Variants in SDK1 observed in about 807,000 individuals in gnomAD.
SDK1 encodes sidekick cell adhesion molecule 1.
A neutral mutation model predicts 245.5 loss-of-function variants in SDK1; 157 were observed. The ratio of observed to expected loss-of-function variants is 0.64; its 90% CI spans 0.56 to 0.73. The LOEUF is 0.73. Ranked by LOEUF, SDK1 falls within the 30% of genes least tolerant of loss-of-function variation. The pLI, the probability that SDK1 is intolerant of heterozygous loss-of-function variation, is 0.00. For missense variants in SDK1, 3,583 were observed against 3,002.3 expected (o/e 1.19, Z -4.52); for synonymous variants, 1,647 against 1,278.5 (o/e 1.29, Z -6.15).
At chr7:3,550,929 T>C (rs539991687) in intron 1 of SDK1, among the ~76,000 whole-genome samples, 3 of 152,222 alleles carry the variant, frequency 2.0e-5, no homozygotes, top group South Asian at 2.1e-4. Context: ...GTTCAGACTT[T>C]CTTCTTATCA....
At chr7:3,752,493 G>A (rs1403059916) in intron 4 of SDK1, among the ~76,000 whole-genome samples, 2 of 152,120 alleles carry the variant, frequency 1.3e-5, no homozygotes, top group Non-Finnish European at 2.9e-5. Context: ...ACTGAGCTTT[G>A]GGAAAAACTT....
intron 19 of SDK1, among the ~76,000 whole-genome samples, chr7:4,066,524 A>G (rs946608960): frequency 2.0e-5 from 3 of 152,170 alleles, no homozygotes; most frequent in Admixed American, 6.5e-5. Flanking sequence ...AGCTATGGCT[A>G]TAGAGAGACC....
intron 1 of SDK1, among the ~76,000 whole-genome samples, chr7:3,372,514 A>C (rs911222532): frequency 1.3e-5 from 2 of 152,168 alleles, no homozygotes; most frequent in African/African-American, 4.8e-5. Flanking sequence ...CTGTGTAACT[A>C]GGAGGGAGCC....
At chr7:3,455,615 C>T (rs1383021644) in intron 1 of SDK1, among the ~76,000 whole-genome samples, 1 of 152,120 alleles carries the variant, frequency 6.6e-6, no homozygotes, top group Non-Finnish European at 1.5e-5. Context: ...TTTCTGGCTT[C>T]TCTACTCTGT....
At chr7:4,247,826 T>C (rs904098542) in intron 44 of SDK1, among the ~76,000 whole-genome samples, 1 of 152,130 alleles carries the variant, frequency 6.6e-6, no homozygotes, top group Non-Finnish European at 1.5e-5. Context: ...CAGGCGGCTG[T>C]TGAAGCTGAC....
intron 4 of SDK1, among the ~76,000 whole-genome samples, chr7:3,667,632 C>T (rs1336985303): frequency 6.6e-6 from 1 of 152,218 alleles, no homozygotes; most frequent in Non-Finnish European, 1.5e-5. Context: ...CCCTGGCAGT[C>T]ACAGATCTGT....
At chr7:4,226,950 T>TC (rs11389890) in intron 40 of SDK1, among the ~76,000 whole-genome samples, 3 of 147,700 alleles carry the variant, frequency 2.0e-5, no homozygotes, top group Admixed American at 6.7e-5. Flanking sequence ...TTTTTTTTTT[T>TC]CTTAAATAAT....
chr7:4,224,295 C>G (rs967616463), intron 40 of SDK1, among the ~76,000 whole-genome samples: 3 of 152,192 alleles, frequency 2.0e-5, no homozygotes, highest in African/African-American at 7.2e-5. Context: ...TGGGGAGGCC[C>G]CAGGAAATCA....
intron 1 of SDK1, among the ~76,000 whole-genome samples, chr7:3,618,558 TGTA>T (rs1562606326): frequency 6.6e-6 from 1 of 152,230 alleles, no homozygotes; most frequent in African/African-American, 2.4e-5. Flanking sequence ...TTTCCTGTGT[TGTA>T]TCCCATTGAA....
In SDK1 at chr7:3,524,125, A is replaced by G. The variant is rs188056521; in HGVS notation, c.299-94955A>G. Among the ~76,000 whole-genome samples the G allele has an allele frequency of 9.2e-5, 14 of 152,350 alleles. No individual in the cohort carries two copies. The East Asian group carries it at 2.7e-3, about 29-fold the overall frequency. On this transcript the variant is annotated intron_variant, in intron 1 of 44. Transcript: ENST00000404826. ...AGACCTGCAGGAAGGAAGGGAGTTA[A>G]CTAAGTGGATATGTGGGGCAAGAAC...
chr7:3,307,916 C>T (rs573673593), intron 1 of SDK1, among the ~76,000 whole-genome samples: 1 of 152,156 alleles, frequency 6.6e-6, no homozygotes, highest in Non-Finnish European at 1.5e-5. Context: ...TCACTAGAGT[C>T]TGCATGTGTC....
chr7:3,570,827 G>C lies in SDK1; in HGVS notation c.299-48253G>C, dbSNP rs1008065555. On this transcript the variant is annotated intron_variant, in intron 1 of 44. Coordinates refer to ENST00000404826, the MANE Select transcript of SDK1 (RefSeq NM_152744.4). ...AGCACAAATTAATGTTCTTTGTTTT[G>C]TTCAGTGACTTTTGTCAATATATAA... Among the ~76,000 whole-genome samples the C allele has an allele frequency of 3.3e-5, 5 of 149,754 alleles. No individual in the cohort carries two copies. In the South Asian group the frequency reaches 1.0e-3, roughly 31 times the overall value.
intron 20 of SDK1, among the ~76,000 whole-genome samples, chr7:4,074,831 C>G (rs1320392629): frequency 7.3e-6 from 1 of 136,262 alleles, no homozygotes; most frequent in Non-Finnish European, 1.6e-5. Context: ...CCACTGCACT[C>G]CAGCCTGGGC....
chr7:3,876,168 C>T (rs1455719071), intron 5 of SDK1, among the ~76,000 whole-genome samples: 1 of 152,178 alleles, frequency 6.6e-6, no homozygotes, highest in Non-Finnish European at 1.5e-5. Context: ...TCCCAGTGTC[C>T]TCCTGAAGTC....
chr7:3,807,533 G>A (rs1294362159), intron 4 of SDK1, among the ~76,000 whole-genome samples: 5 of 152,164 alleles, frequency 3.3e-5, no homozygotes, highest in Non-Finnish European at 4.4e-5. Flanking sequence ...GTATCTGATT[G>A]GAGACCTATA....
rs762045514 is a variant in SDK1 at position 4,011,081 on chromosome 7, G to T, written c.2247G>T (p.Val749=). 9.9e-6 allele frequency: 16 copies of T among 1,613,964 alleles called. No individual in the cohort carries two copies. Among genetic ancestry groups the T allele is most frequent in the Non-Finnish European group, 1.4e-5 (16 of 1,180,050 alleles). The stretch of plus-strand genomic sequence containing the variant: ...TCCGGGTGTGCGCGGTGAATGAAGT[G>T]GGCAGGGGCCAGTACAGCGCCGAGA... The part of the protein sequence containing the change: ...YQFRVCAVNE[V]GRGQYSAETS... Residue 749 remains valine (V), a synonymous_variant, in exon 15 of 45, where the codon GTG becomes GTT. Coordinates refer to ENST00000404826, the MANE Select transcript of SDK1 (RefSeq NM_152744.4).
chr7:3,913,573 G>T (rs975941164), intron 5 of SDK1, among the ~76,000 whole-genome samples: 1 of 152,030 alleles, frequency 6.6e-6, no homozygotes, highest in African/African-American at 2.4e-5. Context: ...CATTACAGGC[G>T]TGAGCCACCG....
At position 3,468,473 on chromosome 7, in the gene SDK1, A is replaced by T. The variant is rs113132449; in HGVS notation, c.299-150607A>T. Among the ~76,000 whole-genome samples the T allele has an allele frequency of 4.0e-3, 611 of 152,034 alleles. 2 individuals are homozygous for T. The highest frequency in any genetic ancestry group is 0.014 in the Middle Eastern group (4 of 294). On this transcript the variant is annotated intron_variant, in intron 1 of 44. Transcript: ENST00000404826. ...CCCAAGGCAGATCATAGAAACCAGA[A>T]CCCCTTTCCCCATAGCCAGCCATAA... is the stretch of plus-strand genomic sequence containing the variant.
At chr7:3,946,658 C>G (rs367589090) in intron 5 of SDK1, among the ~76,000 whole-genome samples, 1 of 152,126 alleles carries the variant, frequency 6.6e-6, no homozygotes, top group East Asian at 1.9e-4. Context: ...TGAAGACTTA[C>G]TTTTTTTAAG....
Sources: allele counts gnomAD v4.1 joint callset (sites outside exome capture counted in the v4.1 genomes callset), GRCh38; gene constraint gnomAD v4.1.1; transcripts MANE v1.5; gene names NCBI Gene and HGNC (gene_info 2026-07-23, HGNC 2026-07-21).